Variants in KLHL1 observed in about 807,000 individuals in gnomAD.
The protein encoded by KLHL1 is kelch-like protein 1.
A neutral mutation model predicts 77.7 loss-of-function variants in KLHL1; 47 were observed. The ratio of observed to expected loss-of-function variants is 0.60; its 90% CI spans 0.48 to 0.77. The LOEUF is 0.77. Ranked by LOEUF, KLHL1 falls within the 30% of genes least tolerant of loss-of-function variation. The pLI, the probability that KLHL1 is intolerant of heterozygous loss-of-function variation, is 0.00. For missense variants in KLHL1, 925 were observed against 910.8 expected (o/e 1.02, Z -0.20); for synonymous variants, 360 against 325.2 (o/e 1.11, Z -1.15).
At chr13:69,983,802 G>A (rs1464587603) in intron 1 of KLHL1, among the ~76,000 whole-genome samples, 3 of 151,728 alleles carry the variant, frequency 2.0e-5, no homozygotes, top group Non-Finnish European at 2.9e-5. Flanking sequence ...ATACTACAAC[G>A]CAATATTAAC....
intron 2 of KLHL1, among the ~76,000 whole-genome samples, chr13:69,963,929 C>G (rs1884140385): frequency 6.6e-6 from 1 of 151,886 alleles, no homozygotes; most frequent in Non-Finnish European, 1.5e-5. Flanking sequence ...AGTTGCATGT[C>G]TAGTATCTTT....
intron 4 of KLHL1, among the ~76,000 whole-genome samples, chr13:69,896,002 C>T (rs1464643226): frequency 6.6e-6 from 1 of 152,048 alleles, no homozygotes; most frequent in Admixed American, 6.6e-5. Flanking sequence ...GCCACCGTGC[C>T]CAGCCAGGAA....
chr13:69,737,237 C>A (rs1029867399), intron 8 of KLHL1, among the ~76,000 whole-genome samples: 4 of 152,230 alleles, frequency 2.6e-5, no homozygotes, highest in Non-Finnish European at 4.4e-5. Context: ...GTCACAAGCA[C>A]AAAGCTGTGC....
intron 5 of KLHL1, among the ~76,000 whole-genome samples, chr13:69,855,084 A>T (rs1457532687): frequency 6.6e-6 from 1 of 152,050 alleles, no homozygotes; most frequent in Non-Finnish European, 1.5e-5. Context: ...GAAAGCATTT[A>T]TAATTATAGC....
At chr13:69,721,014 TAGTGCAAACCTGCCTCCCATTC>T (rs1873019791) in intron 8 of KLHL1, among the ~76,000 whole-genome samples, 1 of 100,536 alleles carries the variant, frequency 9.9e-6, no homozygotes, top group Non-Finnish European at 2.2e-5. Context: ...GGGAACTCCT[TAGTGCAAACCTGCCTCCCATTC>T]TATTCCTAGA....
At chr13:69,791,432 TC>T (rs1017536981) in intron 7 of KLHL1, among the ~76,000 whole-genome samples, 78 of 152,144 alleles carry the variant, frequency 5.1e-4, no homozygotes, top group African/African-American at 1.9e-3. Flanking sequence ...GATAAACTGA[TC>T]TTTTTTAAAA....
intron 4 of KLHL1, among the ~76,000 whole-genome samples, chr13:69,935,581 C>A (rs1331758629): frequency 6.6e-6 from 1 of 151,902 alleles, no homozygotes; most frequent in Non-Finnish European, 1.5e-5. Context: ...TAACATTTGA[C>A]AAAGATCTGA....
At chr13:69,849,649 T>C (rs1879607915) in intron 5 of KLHL1, among the ~76,000 whole-genome samples, 1 of 151,426 alleles carries the variant, frequency 6.6e-6, no homozygotes, top group Non-Finnish European at 1.5e-5. Context: ...ATCAGTCATA[T>C]CAGATTTTGA....
chr13:69,736,665 TAA>T (rs1463790480), intron 8 of KLHL1, among the ~76,000 whole-genome samples: 1 of 146,578 alleles, frequency 6.8e-6, no homozygotes, highest in Non-Finnish European at 1.5e-5. Flanking sequence ...AGTGATTGGA[TAA>T]AGAGATTGTG....
chr13:70,051,697 AGACTAGAT>A (rs897866704), intron 1 of KLHL1, among the ~76,000 whole-genome samples: 4 of 152,018 alleles, frequency 2.6e-5, no homozygotes, highest in African/African-American at 9.6e-5. Flanking sequence ...AACATTACTA[AGACTAGAT>A]GTGTGGATGA....
intron 5 of KLHL1, among the ~76,000 whole-genome samples, chr13:69,839,398 TA>T (rs1180936934): frequency 2.6e-5 from 4 of 151,604 alleles, no homozygotes; most frequent in South Asian, 2.1e-4. Flanking sequence ...CCACACAGAG[TA>T]AAAAAAACAC....
At chr13:69,794,185 T>C (rs1876998379) in intron 7 of KLHL1, among the ~76,000 whole-genome samples, 1 of 152,156 alleles carries the variant, frequency 6.6e-6, no homozygotes, top group African/African-American at 2.4e-5. Flanking sequence ...AGTAAATAGA[T>C]GCAACCCCTG....
At chr13:69,776,225 T>TAGCTGG (rs1428281693) in intron 7 of KLHL1, among the ~76,000 whole-genome samples, 2 of 152,150 alleles carry the variant, frequency 1.3e-5, no homozygotes, top group East Asian at 3.9e-4. Context: ...CCACAAAACA[T>TAGCTGG]AGCTTTGCCC....
At chr13:70,049,828 CACAAAACAAA>C (rs775277487) in intron 1 of KLHL1, among the ~76,000 whole-genome samples, 8 of 151,746 alleles carry the variant, frequency 5.3e-5, no homozygotes, top group African/African-American at 9.7e-5. Context: ...TCTGGCTTAC[CACAAAACAAA>C]ACAAAACAAA....
At position 69,815,546 on chromosome 13, in the gene KLHL1, A is replaced by G. The variant is rs77341804; in HGVS notation, c.1415-18584T>C. On this transcript the variant is annotated intron_variant, in intron 6 of 10. Transcript: ENST00000377844. Reference sequence around the variant, plus strand: ...AAAATGGAAACAAGTAACACTGGGGATTCCAAAACTGGGGAGGGAGGAAAG... The same window carrying G: ...AAAATGGAAACAAGTAACACTGGGGGTTCCAAAACTGGGGAGGGAGGAAAG... 1.7e-4 allele frequency among the ~76,000 whole-genome samples: 26 copies of G among 152,200 alleles called. No homozygotes were observed. The South Asian group carries it at 5.2e-3, about 30-fold the overall frequency.
chr13:70,039,051 T>C (rs576535024), intron 1 of KLHL1, among the ~76,000 whole-genome samples: 65 of 142,128 alleles, frequency 4.6e-4, no homozygotes, highest in South Asian at 2.0e-3. Context: ...ATATATCCTT[T>C]GCACATTTTT....
At chr13:70,050,253 G>A (rs1886599215) in intron 1 of KLHL1, among the ~76,000 whole-genome samples, 1 of 151,692 alleles carries the variant, frequency 6.6e-6, no homozygotes, top group Admixed American at 6.6e-5. Flanking sequence ...ACATAAAATA[G>A]TTACATATTT....
intron 7 of KLHL1, among the ~76,000 whole-genome samples, chr13:69,796,198 TA>T (rs1436375419): frequency 6.6e-6 from 1 of 152,160 alleles, no homozygotes; most frequent in East Asian, 1.9e-4. Flanking sequence ...GAAATTTAAA[TA>T]CAAAATATGC....
Position 70,107,324 on chromosome 13 carries a change from C to T in KLHL1, c.376G>A (p.Glu126Lys). 1.2e-6 allele frequency: 2 copies of T among 1,614,190 alleles called. No individual in the cohort carries two copies. The highest frequency in any genetic ancestry group is 2.2e-5 in the South Asian group (2 of 91,090). ...TCCATGCCTGGCACCACCTCCTCCT[C>T]TAGTGACTCCACGTAGAAGAGAGTC... ...ARTLFYVESL[E>K]EEVVPGMDFP... Residue 126 changes from glutamate (E) to lysine (K), a missense_variant, in exon 1 of 11, where the codon GAG (glutamate) becomes AAG (lysine). Physicochemically the swap from Glu to Lys is moderately conservative, Grantham distance 56. Coordinates refer to ENST00000377844, the MANE Select transcript of KLHL1 (RefSeq NM_020866.3).
Sources: gnomAD v4.1 joint callset for allele counts (sites outside exome capture counted in the v4.1 genomes callset) on GRCh38, gnomAD v4.1.1 for gene constraint, MANE v1.5 for transcripts, NCBI Gene and HGNC (gene_info 2026-07-23, HGNC 2026-07-21) for gene names.